Variants in CSMD3 observed in about 807,000 individuals in gnomAD.
The protein encoded by CSMD3 is CUB and Sushi multiple domains 3.
A neutral mutation model predicts 435.2 loss-of-function variants in CSMD3; 177 were observed. That is an observed-to-expected ratio of 0.41 (90% confidence interval 0.36 to 0.46). The LOEUF is 0.46. CSMD3 is among the 20% of genes least tolerant of loss of function. CSMD3 has a pLI of 0.34. For missense variants in CSMD3, 4,265 were observed against 4,504.6 expected (o/e 0.95, Z 1.52); for synonymous variants, 1,656 against 1,520.5 (o/e 1.09, Z -2.07).
At chr8:112,818,319 A>T (rs902352847) in intron 12 of CSMD3, among the ~76,000 whole-genome samples, 3 of 152,138 alleles carry the variant, frequency 2.0e-5, no homozygotes, top group Admixed American at 6.6e-5. Flanking sequence ...GGCTGAAGTC[A>T]TCTTCTAATA....
At chr8:113,042,458 CTCTT>C (rs931756899) in intron 5 of CSMD3, among the ~76,000 whole-genome samples, 2 of 152,062 alleles carry the variant, frequency 1.3e-5, no homozygotes, top group Non-Finnish European at 2.9e-5. Context: ...TTTAGGAAAA[CTCTT>C]TATTTGACAT....
intron 32 of CSMD3, among the ~76,000 whole-genome samples, chr8:112,433,456 G>A (rs2130422269): frequency 6.6e-6 from 1 of 151,404 alleles, no homozygotes; most frequent in South Asian, 2.1e-4. Context: ...AGGAGTTCAA[G>A]ACCAGCCTGG....
At chr8:112,280,235 A>T (rs1306480240) in intron 59 of CSMD3, among the ~76,000 whole-genome samples, 1 of 152,090 alleles carries the variant, frequency 6.6e-6, no homozygotes, top group Non-Finnish European at 1.5e-5. Flanking sequence ...CTTCAGCAAC[A>T]TCCTCTCATG....
chr8:112,267,701 A>G (rs1185688509), intron 59 of CSMD3, among the ~76,000 whole-genome samples: 1 of 152,112 alleles, frequency 6.6e-6, no homozygotes, highest in Non-Finnish European at 1.5e-5. Flanking sequence ...TGCGGCCACC[A>G]AAAGAGAGGA....
rs2075530947 is a variant in CSMD3 at position 112,666,547 on chromosome 8, AAT to A, written c.2678-134_2678-133del. 5.3e-6 allele frequency: 4 copies of A among 761,644 alleles called. No homozygotes were observed. In the African/African-American group the frequency reaches 7.0e-5, roughly 13 times the overall value. 47.2% of individuals were successfully genotyped at this position (761,644 alleles called of 1,614,324 possible). ...AATAGTTAATACTATTTTTGAAAGC[AAT>A]GGTACATCTAGTCAATTACTTCTGT... On this transcript the variant is annotated intron_variant, in intron 16 of 70. Coordinates refer to ENST00000297405, the MANE Select transcript of CSMD3 (RefSeq NM_198123.2).
chr8:112,752,519 A>T (rs748623800), intron 13 of CSMD3, among the ~76,000 whole-genome samples: 12 of 152,226 alleles, frequency 7.9e-5, no homozygotes, highest in Non-Finnish European at 1.5e-4. Flanking sequence ...TCAGGGACTA[A>T]GGGAGGAGAA....
At chr8:112,978,245 A>G (rs935975396) in intron 6 of CSMD3, among the ~76,000 whole-genome samples, 2 of 152,046 alleles carry the variant, frequency 1.3e-5, no homozygotes, top group Non-Finnish European at 2.9e-5. Context: ...ATACTATGTC[A>G]CATGTCTGAG....
intron 11 of CSMD3, among the ~76,000 whole-genome samples, chr8:112,848,796 T>C (rs1447459841): frequency 6.6e-6 from 1 of 152,068 alleles, no homozygotes; most frequent in Non-Finnish European, 1.5e-5. Context: ...GTTCACATTC[T>C]ATCCATGTCT....
intron 45 of CSMD3, among the ~76,000 whole-genome samples, chr8:112,333,835 G>A (rs1242067315): frequency 6.6e-6 from 1 of 151,980 alleles, no homozygotes; most frequent in Non-Finnish European, 1.5e-5. Context: ...ATTTCAAGCA[G>A]TACATAAAAT....
chr8:112,815,252 T>C (rs1476954751), intron 12 of CSMD3, among the ~76,000 whole-genome samples: 2 of 152,148 alleles, frequency 1.3e-5, no homozygotes, highest in East Asian at 3.8e-4. Flanking sequence ...TTAGCTGAGT[T>C]GTCAATAATT....
chr8:112,522,546 T>A (rs975538270), intron 27 of CSMD3, among the ~76,000 whole-genome samples: 4 of 151,864 alleles, frequency 2.6e-5, no homozygotes, highest in African/African-American at 9.7e-5. Flanking sequence ...GAACTTCTTA[T>A]TATAGTTAAA....
chr8:112,593,433 G>T (rs767727131), intron 22 of CSMD3, among the ~76,000 whole-genome samples: 10 of 152,158 alleles, frequency 6.6e-5, no homozygotes, highest in African/African-American at 2.4e-4. Context: ...ATGAAAGAGA[G>T]GAAAAGGTAG....
intron 11 of CSMD3, among the ~76,000 whole-genome samples, chr8:112,835,609 G>T (rs760879133): frequency 4.0e-5 from 6 of 151,676 alleles, no homozygotes; most frequent in Non-Finnish European, 7.4e-5. Flanking sequence ...ACAGGCATGA[G>T]AACTAAGATT....
chr8:112,765,293 T>G (rs1456082904), intron 13 of CSMD3, among the ~76,000 whole-genome samples: 1 of 151,520 alleles, frequency 6.6e-6, no homozygotes, highest in African/African-American at 2.4e-5. Context: ...TGAAAAAAAC[T>G]ACCAATAAGA....
At chr8:113,048,975 C>G (rs1039427525) in intron 5 of CSMD3, among the ~76,000 whole-genome samples, 1 of 151,822 alleles carries the variant, frequency 6.6e-6, no homozygotes, top group Non-Finnish European at 1.5e-5. Flanking sequence ...GACTTCAGGC[C>G]GGCCTATAAT....
chr8:112,446,407 T>G (rs978512634), intron 32 of CSMD3, among the ~76,000 whole-genome samples: 2 of 152,240 alleles, frequency 1.3e-5, no homozygotes, highest in Non-Finnish European at 2.9e-5. Flanking sequence ...CAGCTGACTC[T>G]CAAACTTAAA....
chr8:112,492,187 G>A (rs1380366007), intron 31 of CSMD3, among the ~76,000 whole-genome samples: 5 of 152,044 alleles, frequency 3.3e-5, no homozygotes, highest in South Asian at 2.1e-4. Context: ...AGCACCTAAC[G>A]TTTTCAGGTG....
At chr8:112,764,994 A>G (rs1358223771) in intron 13 of CSMD3, among the ~76,000 whole-genome samples, 3 of 151,478 alleles carry the variant, frequency 2.0e-5, no homozygotes, top group African/African-American at 7.3e-5. Flanking sequence ...GAAACAAAAT[A>G]TTTCTGGTGC....
intron 68 of CSMD3, among the ~76,000 whole-genome samples, chr8:112,233,202 C>T (rs375754446): frequency 6.6e-5 from 10 of 152,156 alleles, no homozygotes; most frequent in African/African-American, 2.2e-4. Flanking sequence ...TAATTAATGG[C>T]AATTAGTTAC....
Sources: gnomAD v4.1 joint callset for allele counts (sites outside exome capture counted in the v4.1 genomes callset) on GRCh38, gnomAD v4.1.1 for gene constraint, MANE v1.5 for transcripts, NCBI Gene and HGNC (gene_info 2026-07-23, HGNC 2026-07-21) for gene names.